The following CCDC6 variants were observed in gnomAD, a reference collection of about 807,000 sequenced individuals.
The protein encoded by CCDC6 is coiled-coil domain containing 6.
A neutral mutation model predicts 56.6 loss-of-function variants in CCDC6; 20 were observed. That is an observed-to-expected ratio of 0.35 (90% CI 0.25 to 0.51). The LOEUF (loss-of-function observed/expected upper bound fraction) is 0.51, where lower values mean the gene tolerates loss of function less well. CCDC6 is among the 20% of genes least tolerant of loss of function. CCDC6 has a pLI of 0.95. For synonymous variants in CCDC6, 241 were observed against 234.4 expected (o/e 1.03, Z -0.26); for missense variants, 367 against 601.1 (o/e 0.61, Z 4.07).
chr10:59,801,398 C>T (rs557360384), intron 7 of CCDC6, among the ~76,000 whole-genome samples: 4 of 152,292 alleles, frequency 2.6e-5, no homozygotes, highest in South Asian at 4.1e-4. Context: ...TCTGTGCTGC[C>T]GGTCGCCATC....
chr10:59,855,591 T>C (rs1010373149), intron 1 of CCDC6, among the ~76,000 whole-genome samples: 1 of 151,728 alleles, frequency 6.6e-6, no homozygotes, highest in Non-Finnish European at 1.5e-5. Context: ...AAAAAGAAAG[T>C]AGATTAGTTG....
At chr10:59,829,741 T>C (rs1018936128) in intron 3 of CCDC6, among the ~76,000 whole-genome samples, 13 of 152,126 alleles carry the variant, frequency 8.5e-5, no homozygotes, top group African/African-American at 1.4e-4. Flanking sequence ...AGCAGTTGCT[T>C]AGAGGTTATA....
chr10:59,828,985 A>C (rs1368603884), intron 3 of CCDC6, among the ~76,000 whole-genome samples: 4 of 152,200 alleles, frequency 2.6e-5, no homozygotes, highest in African/African-American at 9.7e-5. Flanking sequence ...TAGCCCATAG[A>C]CCTTCATGAT....
chr10:59,822,006 C>T (rs1484415779), intron 3 of CCDC6, among the ~76,000 whole-genome samples: 1 of 152,044 alleles, frequency 6.6e-6, no homozygotes, highest in East Asian at 1.9e-4. Context: ...AACAGCAATC[C>T]ATTAATATGG....
At chr10:59,867,082 T>C (rs1292802812) in intron 1 of CCDC6, among the ~76,000 whole-genome samples, 2 of 152,168 alleles carry the variant, frequency 1.3e-5, no homozygotes, top group African/African-American at 4.8e-5. Context: ...ACAGCAAGCT[T>C]TTGTAGGGTA....
chr10:59,864,814 C>A (rs1190450745), intron 1 of CCDC6, among the ~76,000 whole-genome samples: 2 of 152,052 alleles, frequency 1.3e-5, no homozygotes, highest in East Asian at 1.9e-4. Flanking sequence ...ACAGTATAGA[C>A]CTCCTCAGAT....
chr10:59,807,535 T>C (rs149288817), intron 5 of CCDC6, among the ~76,000 whole-genome samples: 4 of 152,250 alleles, frequency 2.6e-5, no homozygotes, highest in Non-Finnish European at 5.9e-5. Context: ...CTCCCACACA[T>C]AGATGAGATA....
intron 5 of CCDC6, among the ~76,000 whole-genome samples, chr10:59,811,071 C>T (rs2070668386): frequency 6.6e-6 from 1 of 152,316 alleles, no homozygotes; most frequent in East Asian, 1.9e-4. Flanking sequence ...CCCCAACAAC[C>T]TCCAGAAGGA....
intron 1 of CCDC6, among the ~76,000 whole-genome samples, chr10:59,864,040 C>G (rs1039314410): frequency 6.6e-6 from 1 of 152,118 alleles, no homozygotes; most frequent in Non-Finnish European, 1.5e-5. Context: ...ATAACATTTT[C>G]TATTGCAACA....
intron 1 of CCDC6, among the ~76,000 whole-genome samples, chr10:59,859,241 A>C (rs1171049547): frequency 2.9e-5 from 4 of 136,498 alleles, no homozygotes; most frequent in Non-Finnish European, 6.2e-5. Flanking sequence ...TGTGTGTATG[A>C]AGGTAAAAGA....
intron 5 of CCDC6, among the ~76,000 whole-genome samples, chr10:59,811,697 C>T (rs1365830740): frequency 6.6e-6 from 1 of 152,072 alleles, no homozygotes; most frequent in East Asian, 1.9e-4. Context: ...CTGTAGTCAG[C>T]CCTGAGGAAC....
At chr10:59,903,208 G>A (rs936617940) in intron 1 of CCDC6, among the ~76,000 whole-genome samples, 5 of 152,162 alleles carry the variant, frequency 3.3e-5, no homozygotes, top group African/African-American at 7.2e-5. Flanking sequence ...AAAACTCTGC[G>A]TAATACTATA....
chr10:59,880,452 T>A (rs1418960035), intron 1 of CCDC6, among the ~76,000 whole-genome samples: 1 of 152,196 alleles, frequency 6.6e-6, no homozygotes, highest in Admixed American at 6.5e-5. Context: ...AAGTACACAC[T>A]GTCTAATTCC....
At chr10:59,798,991 CAAAAAAA>C (rs34505959) in intron 7 of CCDC6, among the ~76,000 whole-genome samples, 4,378 of 77,198 alleles carry the variant, frequency 0.057, 253 homozygotes, top group African/African-American at 0.18. Flanking sequence ...AAGACTGTTT[CAAAAAAA>C]AAAAAAAAAA....
intron 1 of CCDC6, among the ~76,000 whole-genome samples, chr10:59,887,685 T>C (rs893809629): frequency 6.6e-6 from 1 of 152,182 alleles, no homozygotes; most frequent in Non-Finnish European, 1.5e-5. Flanking sequence ...AGAAATATCA[T>C]ATGTACTCAC....
intron 3 of CCDC6, among the ~76,000 whole-genome samples, chr10:59,831,712 G>GGATT (rs1041462876): frequency 4.6e-5 from 7 of 152,202 alleles, no homozygotes; most frequent in Admixed American, 4.6e-4. Context: ...CATGGGTGAA[G>GGATT]GCATCGGGGA....
At chr10:59,868,254 T>G (rs987151688) in intron 1 of CCDC6, among the ~76,000 whole-genome samples, 7 of 152,112 alleles carry the variant, frequency 4.6e-5, no homozygotes, top group African/African-American at 1.7e-4. Flanking sequence ...TTGGGGTAAA[T>G]GAAGGTTGCC....
In CCDC6 at chr10:59,788,780, T is replaced by C. The variant is rs1589029613; in HGVS notation, c.*4137A>G. On this transcript the variant is annotated 3_prime_UTR_variant, in exon 9 of 9. Transcript: ENST00000263102. The stretch of plus-strand genomic sequence containing the variant: ...TCAAGAGGTACATTTTAAAAAATTA[T>C]CTTTATTTAGGTTTCTGATTCAGCA... The C allele has an allele frequency of 5.4e-6, 1 of 186,026 alleles. No homozygotes were observed. Among genetic ancestry groups the C allele is most frequent in the Non-Finnish European group, 1.1e-5 (1 of 88,012 alleles). The allele number at this position is 186,026 out of a possible 1,614,324, so 11.5% of individuals were successfully genotyped here.
chr10:59,873,522 C>T (rs145544889), intron 1 of CCDC6, among the ~76,000 whole-genome samples: 106 of 152,212 alleles, frequency 7.0e-4, no homozygotes, highest in African/African-American at 2.5e-3. Context: ...GGACTTCTGG[C>T]CCCTCCAGAA....
Sources: allele counts gnomAD v4.1 joint callset (sites outside exome capture counted in the v4.1 genomes callset), GRCh38; gene constraint gnomAD v4.1.1; transcripts MANE v1.5; gene names NCBI Gene and HGNC (gene_info 2026-07-23, HGNC 2026-07-21).